ADCY5: variants seen among roughly 807,000 people sequenced by gnomAD.
ADCY5 encodes the protein adenylate cyclase 5, also known as adenylate cyclase type 5.
A neutral mutation model predicts 119.7 loss-of-function variants in ADCY5; 30 were observed. That is an observed-to-expected ratio of 0.25 (90% CI 0.19 to 0.34). The LOEUF is 0.34. Among genes scored for constraint, ADCY5 ranks in the 10% least tolerant of loss-of-function variants. ADCY5 has a pLI of 1.00. For missense variants in ADCY5, 1,324 were observed against 1,775.2 expected (o/e 0.75, Z 4.57); for synonymous variants, 753 against 762.2 (o/e 0.99, Z 0.20).
intron 1 of ADCY5, among the ~76,000 whole-genome samples, chr3:123,380,435 G>A (rs547001021): frequency 2.0e-5 from 3 of 152,326 alleles, no homozygotes; most frequent in South Asian, 2.1e-4. Context: ...TGACCTAAAC[G>A]ATGTCCTACA....
At chr3:123,390,652 C>G (rs1944377696) in intron 1 of ADCY5, among the ~76,000 whole-genome samples, 1 of 152,252 alleles carries the variant, frequency 6.6e-6, no homozygotes, top group African/African-American at 2.4e-5. Context: ...TGGGCTTGGC[C>G]TCCCCTGGGG....
chr3:123,376,814 C>A (rs9857714), intron 1 of ADCY5, among the ~76,000 whole-genome samples: 3,074 of 152,318 alleles, frequency 0.02, 113 homozygotes, highest in African/African-American at 0.071. Flanking sequence ...AGGAAGATTA[C>A]TTTTCACTGA....
At chr3:123,435,344 T>A (rs759256760) in intron 1 of ADCY5, among the ~76,000 whole-genome samples, 4 of 152,176 alleles carry the variant, frequency 2.6e-5, no homozygotes, top group Non-Finnish European at 4.4e-5. Flanking sequence ...TTTTAGATGC[T>A]TGAGCACAGT....
At chr3:123,359,331 A>AATATATATATATAT (rs57105101) in intron 1 of ADCY5, among the ~76,000 whole-genome samples, 1,877 of 109,226 alleles carry the variant, frequency 0.017, 43 homozygotes, top group Middle Eastern at 0.028. Context: ...CTTATACTAA[A>AATATATATATATAT]ATATATATAT....
At chr3:123,362,720 AGGC>A (rs1943293904) in intron 1 of ADCY5, among the ~76,000 whole-genome samples, 1 of 152,212 alleles carries the variant, frequency 6.6e-6, no homozygotes, top group African/African-American at 2.4e-5. Flanking sequence ...TAAACTCTGC[AGGC>A]TCCACAACCT....
intron 1 of ADCY5, among the ~76,000 whole-genome samples, chr3:123,386,490 T>G (rs1576651684): frequency 6.6e-6 from 1 of 152,382 alleles, no homozygotes; most frequent in Middle Eastern, 3.4e-3. Context: ...TTAGGAGACA[T>G]GTTTCAATTT....
chr3:123,401,856 A>T (rs1944763866), intron 1 of ADCY5, among the ~76,000 whole-genome samples: 2 of 152,122 alleles, frequency 1.3e-5, no homozygotes, highest in Non-Finnish European at 2.9e-5. Flanking sequence ...TTAGAAATAT[A>T]CCGAAAGACT....
chr3:123,385,292 C>T (rs974846894), intron 1 of ADCY5, among the ~76,000 whole-genome samples: 7 of 148,908 alleles, frequency 4.7e-5, no homozygotes, highest in Non-Finnish European at 2.9e-5. Context: ...CAGACACACA[C>T]GCACACACAC....
intron 2 of ADCY5, among the ~76,000 whole-genome samples, chr3:123,349,768 G>T (rs927440312): frequency 6.6e-6 from 1 of 152,018 alleles, no homozygotes; most frequent in Non-Finnish European, 1.5e-5. Context: ...GCCTGTTGCC[G>T]CCCAGGCCAC....
chr3:123,298,138 T>C (rs977837987), intron 15 of ADCY5, among the ~76,000 whole-genome samples: 5 of 152,192 alleles, frequency 3.3e-5, no homozygotes, highest in African/African-American at 4.8e-5. Flanking sequence ...TAGCTGGGAT[T>C]ACAGGTGCAT....
chr3:123,345,739 C>T (rs991290731), intron 3 of ADCY5, among the ~76,000 whole-genome samples: 1 of 142,426 alleles, frequency 7.0e-6, no homozygotes, highest in African/African-American at 2.8e-5. Flanking sequence ...GACAGAGAGA[C>T]AGACAGACAG....
rs145712803 is a variant in ADCY5 at position 123,310,743 on chromosome 3, A to C, written c.2442+3492T>G. Among the ~76,000 whole-genome samples the C allele has an allele frequency of 3.3e-3, 510 of 152,344 alleles. 3 individuals carry two copies. The highest frequency in any genetic ancestry group is 9.7e-3 in the South Asian group (47 of 4,834). ...AGAAGAAAGCACTCAAGGGTCCCTA[A>C]GGCAAGGCATCTGAGGGGCAGTGGG... On this transcript the variant is annotated intron_variant, in intron 12 of 20. Coordinates refer to ENST00000462833, the MANE Select transcript of ADCY5 (RefSeq NM_183357.3).
chr3:123,415,110 C>T (rs1945155029), intron 1 of ADCY5, among the ~76,000 whole-genome samples: 1 of 152,228 alleles, frequency 6.6e-6, no homozygotes, highest in African/African-American at 2.4e-5. Context: ...GATTCTCCCA[C>T]AGCCCCCACT....
intron 1 of ADCY5, among the ~76,000 whole-genome samples, chr3:123,374,076 T>C (rs114178326): frequency 4.7e-4 from 71 of 152,248 alleles, no homozygotes; most frequent in South Asian, 1.9e-3. Context: ...TGCTGAAGAA[T>C]GACATGGCTA....
intron 1 of ADCY5, among the ~76,000 whole-genome samples, chr3:123,435,283 C>G (rs373425775): frequency 6.6e-6 from 1 of 152,170 alleles, no homozygotes; most frequent in Non-Finnish European, 1.5e-5. Context: ...AAGACCCTGT[C>G]TCAAAAAATA....
intron 1 of ADCY5, among the ~76,000 whole-genome samples, chr3:123,356,245 A>C (rs928159570): frequency 5.3e-5 from 8 of 152,204 alleles, no homozygotes; most frequent in Non-Finnish European, 2.9e-5. Context: ...TTAGGCAATA[A>C]TTTCTTATAT....
chr3:123,307,354 G>A (rs1279391104), intron 12 of ADCY5, among the ~76,000 whole-genome samples: 1 of 152,160 alleles, frequency 6.6e-6, no homozygotes, highest in Non-Finnish European at 1.5e-5. Flanking sequence ...TCGTTATTGG[G>A]AAATTGGGAA....
chr3:123,380,418 G>A (rs776033336), intron 1 of ADCY5, among the ~76,000 whole-genome samples: 18 of 152,244 alleles, frequency 1.2e-4, no homozygotes, highest in African/African-American at 2.4e-5. Context: ...AGGCCTGTAA[G>A]CCCAGATGAC....
At chr3:123,343,937 C>T (rs1297226590) in intron 3 of ADCY5, among the ~76,000 whole-genome samples, 2 of 152,224 alleles carry the variant, frequency 1.3e-5, no homozygotes, top group Non-Finnish European at 2.9e-5. Context: ...CTCCAGGGGT[C>T]CCCTGGCCTC....
Sources: allele counts gnomAD v4.1 joint callset (sites outside exome capture counted in the v4.1 genomes callset), GRCh38; gene constraint gnomAD v4.1.1; transcripts MANE v1.5; gene names NCBI Gene and HGNC (gene_info 2026-07-23, HGNC 2026-07-21).